FMN1: variants seen among roughly 807,000 people sequenced by gnomAD.
FMN1 encodes formin-1.
A neutral mutation model predicts 132.4 loss-of-function variants in FMN1; 110 were observed. The observed-to-expected ratio is 0.83, with a 90% CI of 0.71 to 0.97. The LOEUF is 0.97. Ranked by LOEUF, FMN1 falls within the 50% of genes least tolerant of loss-of-function variation. The pLI is 0.00. For synonymous variants in FMN1, 722 were observed against 651.7 expected (o/e 1.11, Z -1.64); for missense variants, 1,792 against 1,705.3 (o/e 1.05, Z -0.90).
chr15:33,019,079 A>C (rs1391854076), intron 6 of FMN1, among the ~76,000 whole-genome samples: 1 of 152,126 alleles, frequency 6.6e-6, no homozygotes, highest in Non-Finnish European at 1.5e-5. Context: ...GCCTGCTTTT[A>C]TTCTCTTACC....
intron 4 of FMN1, among the ~76,000 whole-genome samples, chr15:33,113,681 T>C (rs1042865409): frequency 6.6e-6 from 1 of 152,242 alleles, no homozygotes; most frequent in South Asian, 2.1e-4. Flanking sequence ...CTTCTGTTAC[T>C]TCTCCCCCTT....
At chr15:32,864,795 A>T (rs2059353530) in intron 16 of FMN1, among the ~76,000 whole-genome samples, 1 of 152,222 alleles carries the variant, frequency 6.6e-6, no homozygotes, top group Non-Finnish European at 1.5e-5. Context: ...AAAGCTAATT[A>T]GAACATTGTA....
intron 4 of FMN1, among the ~76,000 whole-genome samples, chr15:33,114,379 C>G (rs1337629504): frequency 1.3e-5 from 2 of 152,158 alleles, no homozygotes; most frequent in African/African-American, 4.8e-5. Flanking sequence ...ACATTTAGAC[C>G]TAAACATAAA....
chr15:33,079,392 G>A (rs910678978), intron 5 of FMN1, among the ~76,000 whole-genome samples: 1 of 152,222 alleles, frequency 6.6e-6, no homozygotes, highest in South Asian at 2.1e-4. Flanking sequence ...AAGGCTGAGG[G>A]AGGGAGGATC....
chr15:33,140,883 T>C (rs1185681487), intron 4 of FMN1, among the ~76,000 whole-genome samples: 2 of 152,242 alleles, frequency 1.3e-5, no homozygotes, highest in African/African-American at 2.4e-5. Flanking sequence ...TAGGATCTTA[T>C]TTTAATTGTC....
At chr15:33,007,866 C>A in intron 7 of FMN1, 148 bp downstream of exon 7, 1 of 517,624 alleles carries the variant, frequency 1.9e-6, no homozygotes, top group Admixed American at 3.5e-5. Context: ...CTTTTCATTC[C>A]CTGTATAGAC....
At chr15:33,078,866 G>C (rs1184822739) in intron 5 of FMN1, among the ~76,000 whole-genome samples, 2 of 152,286 alleles carry the variant, frequency 1.3e-5, no homozygotes, top group South Asian at 4.1e-4. Context: ...CGTAGCAAGA[G>C]ACCAGGGTTG....
At chr15:32,791,878 G>A (rs1475619861) in intron 19 of FMN1, among the ~76,000 whole-genome samples, 1 of 152,164 alleles carries the variant, frequency 6.6e-6, no homozygotes, top group African/African-American at 2.4e-5. Flanking sequence ...AATTGCAGAT[G>A]AAGGCTGGGT....
At chr15:32,900,802 T>C (rs2060275884) in intron 13 of FMN1, among the ~76,000 whole-genome samples, 1 of 152,214 alleles carries the variant, frequency 6.6e-6, no homozygotes, top group Admixed American at 6.5e-5. Flanking sequence ...AATTTTCCAA[T>C]TGAAATTTTT....
intron 5 of FMN1, among the ~76,000 whole-genome samples, chr15:33,087,166 C>G (rs1235934022): frequency 1.3e-5 from 2 of 152,222 alleles, no homozygotes; most frequent in African/African-American, 4.8e-5. Context: ...ACCAGGCCAT[C>G]TAAATGTGGA....
intron 2 of FMN1, among the ~76,000 whole-genome samples, chr15:33,184,398 T>C (rs1965806341): frequency 6.6e-6 from 1 of 152,218 alleles, no homozygotes; most frequent in South Asian, 2.1e-4. Flanking sequence ...AGATCATTGT[T>C]ATTTTCTTCT....
intron 17 of FMN1, among the ~76,000 whole-genome samples, chr15:32,822,625 T>C (rs1349633510): frequency 6.6e-6 from 1 of 152,200 alleles, no homozygotes; most frequent in East Asian, 1.9e-4. Context: ...GGTGCACATA[T>C]GTGTACATTT....
intron 16 of FMN1, among the ~76,000 whole-genome samples, chr15:32,877,673 G>A (rs909917127): frequency 6.6e-6 from 1 of 152,142 alleles, no homozygotes; most frequent in African/African-American, 2.4e-5. Context: ...CTTCCAGCAA[G>A]CAGTGGGTGA....
At chr15:32,940,683 A>C (rs1396320935) in intron 9 of FMN1, among the ~76,000 whole-genome samples, 6 of 152,094 alleles carry the variant, frequency 3.9e-5, no homozygotes, top group Non-Finnish European at 7.4e-5. Context: ...TTTTTCCGAA[A>C]CAAAAATCCA....
chr15:33,033,643 G>A (rs345877), intron 6 of FMN1, among the ~76,000 whole-genome samples: 58,957 of 149,108 alleles, frequency 0.4, 11,875 homozygotes, highest in Admixed American at 0.49. Flanking sequence ...TCATTTGATC[G>A]TATTTGTCCC....
chr15:33,050,144 G>T lies in FMN1; in HGVS notation c.2161+14813C>A, dbSNP rs79404119. On this transcript the variant is annotated intron_variant, in intron 6 of 20. Coordinates refer to ENST00000616417, the MANE Select transcript of FMN1 (RefSeq NM_001277313.2). ...GCATATTTAAGGTAGGCTTGGCTAA[G>T]GTGATGTTCAGTAGGTTAGGCGTAT... Among the ~76,000 whole-genome samples, 1,459 of 152,328 alleles carry T rather than the reference G, an allele frequency of 9.6e-3. 10 individuals are homozygous for T. Among genetic ancestry groups the T allele is most frequent in the Non-Finnish European group, 0.015 (997 of 68,026 alleles).
At chr15:32,873,435 C>G (rs2059562897) in intron 16 of FMN1, among the ~76,000 whole-genome samples, 1 of 152,210 alleles carries the variant, frequency 6.6e-6, no homozygotes. Flanking sequence ...AAACTGTGCT[C>G]TCCTGTAAAT....
intron 4 of FMN1, among the ~76,000 whole-genome samples, chr15:33,098,450 A>C (rs537930171): frequency 6.6e-6 from 1 of 152,144 alleles, no homozygotes; most frequent in Non-Finnish European, 1.5e-5. Flanking sequence ...CTAGGCACAC[A>C]CTACAACATT....
chr15:32,796,361 T>A (rs1177698607), intron 19 of FMN1, among the ~76,000 whole-genome samples: 1 of 152,220 alleles, frequency 6.6e-6, no homozygotes, highest in Non-Finnish European at 1.5e-5. Flanking sequence ...CCAATATATT[T>A]AAAAATTAAG....
Sources: allele counts gnomAD v4.1 joint callset (sites outside exome capture counted in the v4.1 genomes callset), GRCh38; gene constraint gnomAD v4.1.1; transcripts MANE v1.5; gene names NCBI Gene and HGNC (gene_info 2026-07-23, HGNC 2026-07-21).